The following GFM2 variants were observed in gnomAD, a reference collection of about 807,000 sequenced individuals.
The protein encoded by GFM2 is GTP dependent ribosome recycling factor mitochondrial 2, also known as ribosome-releasing factor 2, mitochondrial.
A neutral mutation model predicts 95.4 loss-of-function variants in GFM2; 72 were observed. That is an observed-to-expected ratio of 0.76 (90% CI 0.62 to 0.92). The LOEUF is 0.92. GFM2 is among the 40% of genes least tolerant of loss of function. The probability of loss-of-function intolerance (pLI) is 0.00; values close to 1 mark genes in which losing one functional copy is unlikely to be tolerated. For synonymous variants in GFM2, 276 were observed against 317.5 expected (o/e 0.87, Z 1.39); for missense variants, 825 against 924.1 (o/e 0.89, Z 1.39).
chr5:74,722,292 C>G (rs1749931821), intron 20 of GFM2, 87 bp downstream of exon 20: 1 of 1,064,502 alleles, frequency 9.4e-7, no homozygotes, highest in African/African-American at 1.6e-5. Flanking sequence ...CTTAATGTTT[C>G]TTTCAGGTTA....
In GFM2 at chr5:74,726,002, T is replaced by C. The variant is rs1198463301; in HGVS notation, c.1851A>G (p.Glu617=). 2 of 1,605,004 alleles carry C rather than the reference T, an allele frequency of 1.2e-6. No individual in the cohort carries two copies. The highest frequency in any genetic ancestry group is 1.7e-6 in the Non-Finnish European group (2 of 1,179,058). Residue 617 remains glutamate, a synonymous_variant, in exon 18 of 21, where the codon GAA becomes GAG. Coordinates refer to ENST00000296805, the MANE Select transcript of GFM2 (RefSeq NM_032380.5). ...CCTCTTGGGAGACCTTCAAAAGGCC[T>C]TCATTGATACTTTCAGCATACTCAA... The part of the protein sequence containing the change: ...IEFEYAESIN[E]GLLKVSQEAI...
intron 7 of GFM2, among the ~76,000 whole-genome samples, 162 bp from the exon 8 acceptor site, chr5:74,747,942 A>C (rs1170550985): frequency 1.3e-5 from 2 of 152,212 alleles, no homozygotes; most frequent in Non-Finnish European, 2.9e-5. Flanking sequence ...CTCTTTAGCT[A>C]TCAAGTTAAC....
chr5:74,725,428 A>G (rs1750100970), intron 19 of GFM2, among the ~76,000 whole-genome samples: 2 of 152,180 alleles, frequency 1.3e-5, no homozygotes, highest in African/African-American at 4.8e-5. Context: ...ATAGCAATCC[A>G]TGTTACATAG....
At chr5:74,758,738 T>A in intron 5 of GFM2, 111 bp downstream of exon 5, 1 of 662,670 alleles carries the variant, frequency 1.5e-6, no homozygotes, top group African/African-American at 1.8e-5. Context: ...GGATTAGACA[T>A]CAGTAGCTCT....
rs16872230 is a variant in GFM2, at chr5:74,735,316, T to C, written c.1510+1480A>G. 6.7e-3 allele frequency among the ~76,000 whole-genome samples: 1,022 copies of C among 152,340 alleles called. 11 individuals are homozygous for C. The highest frequency in any genetic ancestry group is 0.024 in the African/African-American group (982 of 41,576). ...AGTACTGGGGGCTGTCTTACATCTA[T>C]ATTCAGATTTCTTTCATGTGAACTC... On this transcript the variant is annotated intron_variant, in intron 15 of 20. Coordinates refer to ENST00000296805, the MANE Select transcript of GFM2 (RefSeq NM_032380.5).
intron 11 of GFM2, among the ~76,000 whole-genome samples, 160 bp downstream of exon 11, chr5:74,741,369 T>A (rs1743096112): frequency 6.6e-6 from 1 of 152,104 alleles, no homozygotes; most frequent in South Asian, 2.1e-4. Context: ...AAGTATTGTA[T>A]TAGTAGTGAC....
At chr5:74,750,480 C>A in intron 7 of GFM2, 99 bp downstream of exon 7, 1 of 720,488 alleles carries the variant, frequency 1.4e-6, no homozygotes, top group Non-Finnish European at 2.4e-6. Flanking sequence ...TTTATGTGAA[C>A]TTACCAAATA....
At chr5:74,727,356 G>A (rs1163588493) in intron 17 of GFM2, among the ~76,000 whole-genome samples, 1 of 152,062 alleles carries the variant, frequency 6.6e-6, no homozygotes. Flanking sequence ...TATCACATAT[G>A]CATGTATTTC....
chr5:74,742,432 T>C (rs553607410), intron 10 of GFM2, among the ~76,000 whole-genome samples: 2 of 152,170 alleles, frequency 1.3e-5, no homozygotes, highest in Non-Finnish European at 2.9e-5. Context: ...ATTTCACCTC[T>C]CTGCCTTAGT....
At chr5:74,766,209 T>C (rs1289686958) in intron 1 of GFM2, among the ~76,000 whole-genome samples, 1 of 151,250 alleles carries the variant, frequency 6.6e-6, no homozygotes, top group African/African-American at 2.4e-5. Flanking sequence ...GAGGCTGAGG[T>C]CGGAGGATCG....
At chr5:74,762,108 T>C (rs1744312942) in intron 2 of GFM2, among the ~76,000 whole-genome samples, 1 of 152,198 alleles carries the variant, frequency 6.6e-6, no homozygotes, top group East Asian at 1.9e-4. Context: ...TACAGAAATA[T>C]ATCTTCTTCA....
At chr5:74,757,919 T>C (rs77987703) in intron 5 of GFM2, among the ~76,000 whole-genome samples, 2,698 of 152,066 alleles carry the variant, frequency 0.018, 88 homozygotes, top group African/African-American at 0.061. Flanking sequence ...AGTAGAAGGA[T>C]GGTTGCAAGG....
intron 16 of GFM2, among the ~76,000 whole-genome samples, chr5:74,731,243 A>G (rs1279594995): frequency 6.6e-6 from 1 of 152,250 alleles, no homozygotes; most frequent in Non-Finnish European, 1.5e-5. Context: ...CCAATCATCC[A>G]GGGCACTTTA....
At chr5:74,754,305 GAAAA>G (rs3031208) in intron 5 of GFM2, among the ~76,000 whole-genome samples, 2 of 109,844 alleles carry the variant, frequency 1.8e-5, no homozygotes, top group African/African-American at 3.0e-5. Flanking sequence ...ATAATACAAT[GAAAA>G]AAAAAAAAAA....
At position 74,738,425 on chromosome 5, in the gene GFM2, A is replaced by G; in HGVS notation, c.1221-8T>C. ...AGACGACTTATTCTCTCCCTGTAAAATCACAATTTTATGTTAGTAAAAGTA... is the reference window on the plus strand; with the variant it reads ...AGACGACTTATTCTCTCCCTGTAAAGTCACAATTTTATGTTAGTAAAAGTA... On this transcript the variant is annotated splice_polypyrimidine_tract_variant and splice_region_variant and intron_variant, in intron 13 of 20. Transcript: ENST00000296805. The G allele has an allele frequency of 6.2e-7, 1 of 1,612,330 alleles. No homozygotes were observed. The highest frequency in any genetic ancestry group is 2.2e-5 in the East Asian group (1 of 44,838).
intron 15 of GFM2, 103 bp from the exon 16 acceptor site, chr5:74,733,201 G>C (rs1742663266): frequency 1.2e-6 from 1 of 828,932 alleles, no homozygotes; most frequent in African/African-American, 1.7e-5. Context: ...TTTTGAAAAA[G>C]AAATTTCGAC....
intron 15 of GFM2, chr5:74,736,526 C>G: frequency 7.9e-7 from 1 of 1,272,452 alleles, no homozygotes; most frequent in Non-Finnish European, 9.9e-7. Context: ...AGTTCTAAGG[C>G]CAATTACTTA....
rs1749883829 is a variant in GFM2 at position 74,721,638 on chromosome 5, T to TCCAAAAACTAAAACATTTAGGTCAAA, written c.2331_*16dup. 6.2e-7 allele frequency: 1 copy of TCCAAAAACTAAAACATTTAGGTCAAA among 1,603,886 alleles called. No homozygotes were observed. Among genetic ancestry groups the TCCAAAAACTAAAACATTTAGGTCAAA allele is most frequent in the African/African-American group, 1.3e-5 (1 of 74,344 alleles). ...GTAGCTAGGTGCTCCTGAATTTCTC[T>TCCAAAAACTAAAACATTTAGGTCAAA]CCAAAAACTAAAACATTTAGGTCAA... On this transcript the variant is annotated 3_prime_UTR_variant, in exon 21 of 21. Transcript: ENST00000296805.
At chr5:74,751,904 A>G (rs1743734996) in intron 5 of GFM2, among the ~76,000 whole-genome samples, 2 of 152,198 alleles carry the variant, frequency 1.3e-5, no homozygotes, top group Non-Finnish European at 2.9e-5. Flanking sequence ...TTAGCACTCT[A>G]TGATCTTGAG....
Sources: gnomAD v4.1 joint callset for allele counts (sites outside exome capture counted in the v4.1 genomes callset) on GRCh38, gnomAD v4.1.1 for gene constraint, MANE v1.5 for transcripts, NCBI Gene and HGNC (gene_info 2026-07-23, HGNC 2026-07-21) for gene names.